Variants in HNF4G observed in about 807,000 individuals in gnomAD.
HNF4G encodes hepatocyte nuclear factor 4 gamma.
HNF4G carries 21 observed loss-of-function variants against 50.9 expected under a neutral mutation model. The observed-to-expected ratio is 0.41, with a 90% CI of 0.29 to 0.59. The LOEUF is 0.59. HNF4G is among the 20% of genes least tolerant of loss of function. The pLI is 0.26. For missense variants in HNF4G, 527 were observed against 559.4 expected (o/e 0.94, Z 0.58); for synonymous variants, 198 against 185.6 (o/e 1.07, Z -0.54).
intron 2 of HNF4G, among the ~76,000 whole-genome samples, chr8:75,493,489 C>A (rs140399023): frequency 6.6e-6 from 1 of 152,040 alleles, no homozygotes. Flanking sequence ...CATTTGACTG[C>A]ATTCTTATCA....
intron 1 of HNF4G, among the ~76,000 whole-genome samples, chr8:75,473,635 C>T (rs1481734009): frequency 6.6e-6 from 1 of 152,180 alleles, no homozygotes; most frequent in Non-Finnish European, 1.5e-5. Flanking sequence ...GACTCCACTT[C>T]ACCTCCTGAC....
intron 1 of HNF4G, among the ~76,000 whole-genome samples, chr8:75,423,815 C>CTTTTTTTTTTTTTTTTTTTTTTTTTT (rs548125507): frequency 2.8e-5 from 2 of 71,176 alleles, no homozygotes; most frequent in East Asian, 5.2e-4. Context: ...AAGTTTCTTT[C>CTTTTTTTTTTTTTTTTTTTTTTTTTT]TTTTTTTTTT....
rs1417779057 is a variant in HNF4G at position 75,529,575 on chromosome 8, G to T, written c.-23-14236G>T. ...TACCATTTTCTATGGTAGTGGGGAT[G>T]AGTGATGCTTTTTTAATCCTATTAG... On this transcript the variant is annotated intron_variant, in intron 2 of 10. Coordinates refer to the HNF4G transcript ENST00000354370. Among the ~76,000 whole-genome samples, 10 of 152,160 alleles carry T rather than the reference G, an allele frequency of 6.6e-5. No individual in the cohort carries two copies. In the East Asian group the frequency reaches 1.7e-3, roughly 26 times the overall value.
intron 3 of HNF4G, among the ~76,000 whole-genome samples, chr8:75,548,968 A>T (rs1182387271): frequency 6.6e-6 from 1 of 152,190 alleles, no homozygotes; most frequent in Non-Finnish European, 1.5e-5. Flanking sequence ...ATTTCATAGG[A>T]AGCTCTATTT....
chr8:75,426,273 T>C (rs185382923), intron 1 of HNF4G, among the ~76,000 whole-genome samples: 20 of 152,360 alleles, frequency 1.3e-4, no homozygotes, highest in African/African-American at 4.3e-4. Context: ...CATGCCATTT[T>C]GTCTGTCCAG....
chr8:75,547,596 G>T lies in HNF4G; in HGVS notation c.297G>T (p.Arg99=). The T allele has an allele frequency of 6.2e-7, 1 of 1,606,958 alleles. No homozygotes were observed. Among genetic ancestry groups the T allele is most frequent in the East Asian group, 2.2e-5 (1 of 44,776 alleles). ...KSHVYSCRFS[R]QCVVDKDKRN... ...TATCTTTATGTTATAGGTTCAGTCGGCAATGTGTTGTTGACAAGGACAAAA... is the reference window on the plus strand; with the variant it reads ...TATCTTTATGTTATAGGTTCAGTCGTCAATGTGTTGTTGACAAGGACAAAA... The change falls in exon 3 of 10, where the codon CGG becomes CGT. Residue 99 remains arginine (R), a synonymous_variant. Coordinates refer to ENST00000396423, the MANE Select transcript of HNF4G (RefSeq NM_004133.5).
At chr8:75,436,977 A>G (rs1437714060) in intron 1 of HNF4G, among the ~76,000 whole-genome samples, 2 of 152,210 alleles carry the variant, frequency 1.3e-5, no homozygotes, top group African/African-American at 4.8e-5. Context: ...CCAGGAGTTC[A>G]AAGCTGCTGT....
chr8:75,549,441 T>G (rs1806881075), intron 3 of HNF4G, among the ~76,000 whole-genome samples: 1 of 152,036 alleles, frequency 6.6e-6, no homozygotes, highest in South Asian at 2.1e-4. Flanking sequence ...CAGTTTAGGT[T>G]AAAAATCAAT....
intron 1 of HNF4G, among the ~76,000 whole-genome samples, chr8:75,430,579 A>G (rs1289035400): frequency 3.3e-5 from 5 of 152,038 alleles, no homozygotes; most frequent in African/African-American, 2.4e-5. Flanking sequence ...AAGGAAAAGG[A>G]AAGTTTCACC....
In HNF4G at chr8:75,556,049, A is replaced by G. The variant is rs1392151267; in HGVS notation, c.713A>G (p.Tyr238Cys). The change falls in exon 6 of 10, where the codon TAT becomes TGT. Residue 238 changes from tyrosine to cysteine, a missense_variant. Tyr to Cys is a radical substitution (Grantham distance 194). Coordinates refer to ENST00000396423, the MANE Select transcript of HNF4G (RefSeq NM_004133.5). ...LLGATKRSMM[Y>C]KDILLLGNNY... ...GGAGCTACAAAGAGATCCATGATGTATAAAGATATTTTGCTTTTGGGTAAG... is the reference window on the plus strand; with the variant it reads ...GGAGCTACAAAGAGATCCATGATGTGTAAAGATATTTTGCTTTTGGGTAAG... 4.5e-6 allele frequency: 7 copies of G among 1,561,402 alleles called. No homozygotes were observed. The highest frequency in any genetic ancestry group is 1.2e-5 in the South Asian group (1 of 83,058).
intron 2 of HNF4G, among the ~76,000 whole-genome samples, chr8:75,515,920 C>T (rs534754778): frequency 6.6e-6 from 1 of 152,234 alleles, no homozygotes; most frequent in South Asian, 2.1e-4. Context: ...CATGCGCCCC[C>T]ATGCCCAGCT....
intron 2 of HNF4G, among the ~76,000 whole-genome samples, chr8:75,507,869 A>G (rs1020758000): frequency 2.0e-5 from 3 of 152,154 alleles, no homozygotes; most frequent in Non-Finnish European, 4.4e-5. Context: ...AACATAAAAG[A>G]AATAAATGGA....
chr8:75,482,868 A>T (rs966718076), intron 1 of HNF4G, among the ~76,000 whole-genome samples: 1 of 152,230 alleles, frequency 6.6e-6, no homozygotes, highest in Non-Finnish European at 1.5e-5. Context: ...ATCTAACAGC[A>T]GTAGTGTTTA....
intron 2 of HNF4G, among the ~76,000 whole-genome samples, chr8:75,497,449 G>T (rs1812800376): frequency 6.6e-6 from 1 of 152,182 alleles, no homozygotes; most frequent in African/African-American, 2.4e-5. Context: ...ACTTTGGGAG[G>T]CCGAGGCGGG....
intron 2 of HNF4G, among the ~76,000 whole-genome samples, chr8:75,523,327 T>C (rs1288939047): frequency 2.0e-5 from 3 of 152,218 alleles, no homozygotes; most frequent in African/African-American, 4.8e-5. Context: ...TAATTCCTTC[T>C]CTCTAAATCT....
upstream of HNF4G, among the ~76,000 whole-genome samples, chr8:75,538,191 C>G (rs1047020025): frequency 6.6e-6 from 1 of 152,148 alleles, no homozygotes; most frequent in African/African-American, 2.4e-5. Flanking sequence ...GCATGGGGCA[C>G]AGGTTTCTTC....
intron 1 of HNF4G, among the ~76,000 whole-genome samples, chr8:75,412,717 G>T (rs1180256952): frequency 6.7e-6 from 1 of 149,920 alleles, no homozygotes; most frequent in Admixed American, 6.6e-5. Flanking sequence ...CTGTGTTTTA[G>T]AATTTTTTTT....
At position 75,543,992 on chromosome 8, in the gene HNF4G, C is replaced by T. The variant is rs181818859; in HGVS notation, c.287+13C>T. Reference sequence around the variant, plus strand: ...TTTATTCTTGCAGGTACTTTAAATGCCCTTTTAGGCAAGTTATCTTTACAG... The same window carrying T: ...TTTATTCTTGCAGGTACTTTAAATGTCCTTTTAGGCAAGTTATCTTTACAG... On this transcript the variant is annotated intron_variant, in intron 2 of 9. Transcript: ENST00000396423. 6 of 1,554,164 alleles carry T rather than the reference C, an allele frequency of 3.9e-6. No homozygotes were observed. Among genetic ancestry groups the T allele is most frequent in the Non-Finnish European group, 4.4e-6 (5 of 1,146,996 alleles).
At chr8:75,550,398 C>T (rs538173542) in intron 3 of HNF4G, among the ~76,000 whole-genome samples, 1 of 151,964 alleles carries the variant, frequency 6.6e-6, no homozygotes, top group African/African-American at 2.4e-5. Context: ...CTCTGACCTT[C>T]GCCTCTTGGG....
Sources: gnomAD v4.1 joint callset for allele counts (sites outside exome capture counted in the v4.1 genomes callset) on GRCh38, gnomAD v4.1.1 for gene constraint, MANE v1.5 for transcripts, NCBI Gene and HGNC (gene_info 2026-07-23, HGNC 2026-07-21) for gene names.